Variants in CTNND2 observed in about 807,000 individuals in gnomAD.
The protein encoded by CTNND2 is catenin delta-2.
CTNND2 carries 22 observed loss-of-function variants against 144.4 expected under a neutral mutation model. The observed-to-expected ratio is 0.15, with a 90% CI of 0.11 to 0.22. CTNND2 has a LOEUF of 0.22. Ranked by LOEUF, CTNND2 falls within the 10% of genes least tolerant of loss-of-function variation. The pLI is 1.00. For synonymous variants in CTNND2, 751 were observed against 695.6 expected (o/e 1.08, Z -1.25); for missense variants, 1,353 against 1,618.8 (o/e 0.84, Z 2.82).
At chr5:11,258,411 T>C (rs1027530600) in intron 9 of CTNND2, among the ~76,000 whole-genome samples, 13 of 152,212 alleles carry the variant, frequency 8.5e-5, no homozygotes, top group Non-Finnish European at 1.8e-4. Flanking sequence ...AACATTGCTA[T>C]TACTGTTCAC....
At chr5:11,006,603 C>T (rs151072958) in intron 18 of CTNND2, among the ~76,000 whole-genome samples, 1 of 152,348 alleles carries the variant, frequency 6.6e-6, no homozygotes, top group Admixed American at 6.5e-5. Context: ...CTAAGTCACA[C>T]AGGCAATGAG....
intron 3 of CTNND2, among the ~76,000 whole-genome samples, chr5:11,480,984 T>C (rs1487920229): frequency 1.9e-4 from 29 of 152,056 alleles, no homozygotes; most frequent in Non-Finnish European, 2.9e-5. Context: ...TCGAAGCACA[T>C]GACGATATTT....
intron 21 of CTNND2, among the ~76,000 whole-genome samples, chr5:10,975,626 T>C (rs1002149330): frequency 6.6e-6 from 1 of 152,202 alleles, no homozygotes; most frequent in Non-Finnish European, 1.5e-5. Context: ...TCTACCAACG[T>C]AGTCCAGTCC....
At chr5:11,279,632 T>C (rs1746913637) in intron 9 of CTNND2, among the ~76,000 whole-genome samples, 1 of 152,208 alleles carries the variant, frequency 6.6e-6, no homozygotes, top group African/African-American at 2.4e-5. Context: ...GATTCATCCA[T>C]TGCTATAAAG....
chr5:11,276,363 A>G (rs1004277464), intron 9 of CTNND2, among the ~76,000 whole-genome samples: 2 of 152,046 alleles, frequency 1.3e-5, no homozygotes, highest in Middle Eastern at 6.8e-3. Context: ...CAAATCAGCC[A>G]CTCCTCCTTG....
chr5:11,193,674 T>C (rs1036747113), intron 11 of CTNND2, among the ~76,000 whole-genome samples: 2 of 151,988 alleles, frequency 1.3e-5, no homozygotes, highest in South Asian at 2.1e-4. Flanking sequence ...GCCATCAAGA[T>C]AGAAGAAGAG....
At chr5:11,715,568 T>C (rs577659249) in intron 2 of CTNND2, among the ~76,000 whole-genome samples, 4 of 152,320 alleles carry the variant, frequency 2.6e-5, no homozygotes, top group South Asian at 4.1e-4. Context: ...ATGTGACAAG[T>C]AGATTTACCC....
At chr5:11,797,627 A>T (rs1791469000) in intron 1 of CTNND2, among the ~76,000 whole-genome samples, 1 of 152,216 alleles carries the variant, frequency 6.6e-6, no homozygotes, top group South Asian at 2.1e-4. Flanking sequence ...TGATGTAGTT[A>T]TATCTCTGAA....
intron 9 of CTNND2, among the ~76,000 whole-genome samples, chr5:11,288,613 T>C (rs1747992426): frequency 6.6e-6 from 1 of 151,984 alleles, no homozygotes; most frequent in African/African-American, 2.4e-5. Context: ...GGAAGCACAA[T>C]TTTCAAGGTA....
chr5:11,740,195 A>G (rs1787922189), intron 1 of CTNND2, among the ~76,000 whole-genome samples: 1 of 152,176 alleles, frequency 6.6e-6, no homozygotes, highest in Admixed American at 6.5e-5. Context: ...ACTACTTTAA[A>G]GTTCATATGG....
intron 16 of CTNND2, among the ~76,000 whole-genome samples, chr5:11,079,900 C>T (rs558062444): frequency 3.3e-5 from 5 of 152,168 alleles, no homozygotes; most frequent in South Asian, 2.1e-4. Context: ...AAAAGCTATA[C>T]GACACTGGTC....
chr5:11,689,572 G>T lies in CTNND2; in HGVS notation c.174+42564C>A, dbSNP rs111804997. ...ATCAATTTGTGAATGCTGTTGTACA[G>T]AATATTGTCACTTACTTTTTTTCAC... is the stretch of plus-strand genomic sequence containing the variant. On this transcript the variant is annotated intron_variant, in intron 2 of 21. Coordinates refer to ENST00000304623, the MANE Select transcript of CTNND2 (RefSeq NM_001332.4). Among the ~76,000 whole-genome samples the T allele has an allele frequency of 4.5e-3, 680 of 152,252 alleles. 4 individuals are homozygous for T. Among genetic ancestry groups the T allele is most frequent in the African/African-American group, 0.012 (486 of 41,538 alleles).
chr5:11,540,906 G>A (rs1358795186), intron 3 of CTNND2, among the ~76,000 whole-genome samples: 1 of 152,196 alleles, frequency 6.6e-6, no homozygotes, highest in Non-Finnish European at 1.5e-5. Context: ...TGAACAGGCA[G>A]GGGTTGAGTG....
chr5:11,556,154 A>G (rs1186220147), intron 3 of CTNND2, among the ~76,000 whole-genome samples: 1 of 152,144 alleles, frequency 6.6e-6, no homozygotes, highest in Non-Finnish European at 1.5e-5. Flanking sequence ...AAAATTTCCA[A>G]AAAAATGATC....
intron 18 of CTNND2, among the ~76,000 whole-genome samples, chr5:10,995,033 G>A (rs1026826573): frequency 6.6e-6 from 1 of 152,150 alleles, no homozygotes; most frequent in Non-Finnish European, 1.5e-5. Context: ...TTTAGGGAGT[G>A]GAACTAGGAC....
At chr5:11,193,426 A>G (rs1429038121) in intron 11 of CTNND2, among the ~76,000 whole-genome samples, 1 of 152,164 alleles carries the variant, frequency 6.6e-6, no homozygotes, top group Non-Finnish European at 1.5e-5. Context: ...AAATGTCTGT[A>G]TTCATTTTTA....
intron 3 of CTNND2, among the ~76,000 whole-genome samples, chr5:11,480,607 C>G (rs538180736): frequency 2.6e-5 from 4 of 151,196 alleles, no homozygotes; most frequent in Non-Finnish European, 5.9e-5. Flanking sequence ...CTAACTCCCC[C>G]CACCAAACAT....
chr5:11,774,333 C>T (rs970321353), intron 1 of CTNND2, among the ~76,000 whole-genome samples: 1 of 139,518 alleles, frequency 7.2e-6, no homozygotes, highest in Non-Finnish European at 1.5e-5. Context: ...GTATATGTGC[C>T]ACATTTTCTT....
intron 2 of CTNND2, among the ~76,000 whole-genome samples, chr5:11,618,448 C>G (rs1581616228): frequency 6.6e-6 from 1 of 152,298 alleles, no homozygotes. Context: ...CACTTGTGTC[C>G]TTAACATCTT....
Sources: gnomAD v4.1 joint callset for allele counts (sites outside exome capture counted in the v4.1 genomes callset) on GRCh38, gnomAD v4.1.1 for gene constraint, MANE v1.5 for transcripts, NCBI Gene and HGNC (gene_info 2026-07-23, HGNC 2026-07-21) for gene names.